Variants in VTI1A observed in about 807,000 individuals in gnomAD.
VTI1A encodes the protein vesicle transport through interaction with t-SNAREs homolog 1A.
Under a neutral mutation model 34.9 loss-of-function variants are expected in VTI1A, and 22 were observed. The ratio of observed to expected loss-of-function variants is 0.63; its 90% CI spans 0.45 to 0.90. The LOEUF (loss-of-function observed/expected upper bound fraction) is 0.90. Ranked by LOEUF, VTI1A falls within the 40% of genes least tolerant of loss-of-function variation. The pLI is 0.00. For synonymous variants in VTI1A, 87 were observed against 97.3 expected (o/e 0.89, Z 0.62); for missense variants, 268 against 275.6 (o/e 0.97, Z 0.20).
intron 5 of VTI1A, among the ~76,000 whole-genome samples, chr10:112,627,467 A>G (rs1348881344): frequency 1.3e-5 from 2 of 152,190 alleles, no homozygotes; most frequent in African/African-American, 4.8e-5. Flanking sequence ...ATAAGATAGA[A>G]GTATATAAAA....
chr10:112,577,053 A>C (rs1843739831), intron 5 of VTI1A, among the ~76,000 whole-genome samples: 1 of 152,260 alleles, frequency 6.6e-6, no homozygotes, highest in South Asian at 2.1e-4. Flanking sequence ...TAGATAAATA[A>C]GTTTTAGCTC....
At chr10:112,452,550 C>T (rs1847277120) in intron 1 of VTI1A, among the ~76,000 whole-genome samples, 1 of 131,602 alleles carries the variant, frequency 7.6e-6, no homozygotes, top group Admixed American at 8.0e-5. Flanking sequence ...CCTAGTGACA[C>T]AGTGAGACTC....
chr10:112,687,219 CTTTTTTTTTT>C (rs71303594), intron 7 of VTI1A, among the ~76,000 whole-genome samples: 25 of 84,596 alleles, frequency 3.0e-4, no homozygotes, highest in Non-Finnish European at 4.4e-4. Context: ...CATACTACAA[CTTTTTTTTTT>C]TTTTTTTTTT....
rs528401737 is a variant in VTI1A, at chr10:112,669,071, A to G, written c.560+73A>G. 94 of 1,544,114 alleles carry G rather than the reference A, an allele frequency of 6.1e-5. 1 individual carries two copies. The Middle Eastern group carries it at 1.7e-3, about 28-fold the overall frequency. ...AATACTATGTTTTCATTCAATTGCA[A>G]TGGGGCATATTACATGCTTTTGAGC... On this transcript the variant is annotated intron_variant, in intron 7 of 7. Transcript: ENST00000393077.
chr10:112,673,754 C>A (rs1847939354), intron 7 of VTI1A, among the ~76,000 whole-genome samples: 1 of 152,176 alleles, frequency 6.6e-6, no homozygotes, highest in Non-Finnish European at 1.5e-5. Context: ...TAAATGTAGT[C>A]TTTGGTAGAA....
At chr10:112,695,403 TA>T (rs921110717) in intron 7 of VTI1A, among the ~76,000 whole-genome samples, 8 of 150,728 alleles carry the variant, frequency 5.3e-5, no homozygotes, top group South Asian at 4.2e-4. Flanking sequence ...GTATAAAGAT[TA>T]AAAAAAAAGG....
intron 5 of VTI1A, among the ~76,000 whole-genome samples, chr10:112,655,886 A>G (rs1401104544): frequency 6.6e-6 from 1 of 152,206 alleles, no homozygotes; most frequent in Non-Finnish European, 1.5e-5. Context: ...AGGGCTACAC[A>G]ACAGTGTTTA....
intron 7 of VTI1A, among the ~76,000 whole-genome samples, chr10:112,779,140 G>A (rs1283128945): frequency 6.6e-6 from 1 of 152,194 alleles, no homozygotes; most frequent in Non-Finnish European, 1.5e-5. Context: ...TCTTTTGAGT[G>A]ATATTACCAA....
chr10:112,612,130 G>A lies in VTI1A; in HGVS notation c.428-56088G>A, dbSNP rs182695908. ...TTAAAAATAAAAAAGCCATTTTATCGTAAGTTTGAAAACTGAGGTATCAGG... is the reference window on the plus strand; with the variant it reads ...TTAAAAATAAAAAAGCCATTTTATCATAAGTTTGAAAACTGAGGTATCAGG... On this transcript the variant is annotated intron_variant, in intron 5 of 7. Transcript: ENST00000393077. 2.0e-5 allele frequency among the ~76,000 whole-genome samples: 3 copies of A among 152,010 alleles called. No homozygotes were observed. In the East Asian group the frequency reaches 5.8e-4, roughly 29 times the overall value.
chr10:112,661,661 C>T (rs1291694879), intron 5 of VTI1A, among the ~76,000 whole-genome samples: 1 of 151,824 alleles, frequency 6.6e-6, no homozygotes, highest in African/African-American at 2.4e-5. Context: ...CTTTTAGCAC[C>T]TTGGAAAGTT....
chr10:112,512,322 A>G (rs113360275), intron 3 of VTI1A, among the ~76,000 whole-genome samples: 3 of 152,206 alleles, frequency 2.0e-5, no homozygotes, highest in South Asian at 2.1e-4. Context: ...GCATTTTTTC[A>G]TATACCTGTT....
intron 5 of VTI1A, among the ~76,000 whole-genome samples, chr10:112,639,993 A>G (rs1044393783): frequency 6.6e-6 from 1 of 152,344 alleles, no homozygotes; most frequent in Admixed American, 6.5e-5. Context: ...TAAATTAGGA[A>G]TAATCATGTC....
chr10:112,713,261 C>T (rs1426211524), intron 7 of VTI1A, among the ~76,000 whole-genome samples: 1 of 152,140 alleles, frequency 6.6e-6, no homozygotes, highest in East Asian at 1.9e-4. Context: ...ATTACTTAAT[C>T]CTTTTAGTAA....
At chr10:112,812,433 C>T (rs1055025948) in intron 7 of VTI1A, among the ~76,000 whole-genome samples, 2 of 152,224 alleles carry the variant, frequency 1.3e-5, no homozygotes, top group Admixed American at 1.3e-4. Context: ...CCGAGCTCTG[C>T]ATTCCTTTCT....
At chr10:112,621,440 A>G (rs924700091) in intron 5 of VTI1A, among the ~76,000 whole-genome samples, 2 of 152,198 alleles carry the variant, frequency 1.3e-5, no homozygotes, top group Non-Finnish European at 2.9e-5. Context: ...GTTTTTATAT[A>G]TGCTTTATGT....
chr10:112,593,955 G>T (rs1405642325), intron 5 of VTI1A, among the ~76,000 whole-genome samples: 1 of 151,788 alleles, frequency 6.6e-6, no homozygotes, highest in Non-Finnish European at 1.5e-5. Flanking sequence ...TGTCACCCAG[G>T]CTGGAGTGCA....
intron 7 of VTI1A, among the ~76,000 whole-genome samples, chr10:112,743,155 G>A (rs974113372): frequency 1.3e-5 from 2 of 151,954 alleles, no homozygotes; most frequent in African/African-American, 4.8e-5. Flanking sequence ...AATATGACAA[G>A]CCTTGAGTTC....
chr10:112,716,522 T>TA (rs1172767454), intron 7 of VTI1A, among the ~76,000 whole-genome samples: 11 of 152,166 alleles, frequency 7.2e-5, no homozygotes. Context: ...GAGTTGGTGA[T>TA]ACCTGGCCTG....
intron 1 of VTI1A, among the ~76,000 whole-genome samples, chr10:112,459,049 C>T (rs2134037214): frequency 6.6e-6 from 1 of 152,246 alleles, no homozygotes; most frequent in South Asian, 2.1e-4. Context: ...GGTGTTGTAC[C>T]CATTTCAAGC....
Sources: allele counts gnomAD v4.1 joint callset (sites outside exome capture counted in the v4.1 genomes callset), GRCh38; gene constraint gnomAD v4.1.1; transcripts MANE v1.5; gene names NCBI Gene and HGNC (gene_info 2026-07-23, HGNC 2026-07-21).